MGAT2: variants seen among roughly 807,000 people sequenced by gnomAD.
MGAT2 encodes Beta-1,2-N-acetylglucosaminyltransferase II.
In MGAT2, 17 loss-of-function variants were observed where a neutral mutation model predicts 33.8. The ratio of observed to expected loss-of-function variants is 0.50; its 90% CI spans 0.34 to 0.76. The LOEUF is 0.76. MGAT2 is among the 30% of genes least tolerant of loss of function. MGAT2 has a pLI of 0.01. For synonymous variants in MGAT2, 248 were observed against 226.7 expected, an observed-to-expected ratio of 1.09 and a Z score of -0.84; for missense variants, 529 against 553.9, an observed-to-expected ratio of 0.96 and a Z score of 0.45.
At position 49,620,843 on chromosome 14, in the gene MGAT2, G is replaced by A; in HGVS notation, c.-426G>A. On this transcript the variant is annotated 5_prime_UTR_variant, in exon 1 of 1. Coordinates refer to ENST00000305386, the MANE Select transcript of MGAT2 (RefSeq NM_002408.4). Reference sequence around the variant, plus strand: ...ACGGTCCCCGCCGGAGTGAGGCGAGGCCGCGTCGCTCAGTTCTGGCCGTCT... The same window carrying A: ...ACGGTCCCCGCCGGAGTGAGGCGAGACCGCGTCGCTCAGTTCTGGCCGTCT... 1.6e-6 allele frequency: 1 copy of A among 635,926 alleles called. No homozygotes were observed. Among genetic ancestry groups the A allele is most frequent in the Non-Finnish European group, 2.8e-6 (1 of 354,678 alleles). 39.4% of individuals were successfully genotyped at this position (635,926 alleles called of 1,614,324 possible).
chr14:49,623,423 TTTAC>T lies in MGAT2; in HGVS notation c.*813_*816del, dbSNP rs1468118278. ...TTTGAGTTAGCATTACATTTTAATA[TTTAC>T]TATTGCTACATTGTATAATTGAGTT... On this transcript the variant is annotated 3_prime_UTR_variant, in exon 1 of 1. Coordinates refer to ENST00000305386, the MANE Select transcript of MGAT2 (RefSeq NM_002408.4). 4 of 167,116 alleles carry T rather than the reference TTTAC, an allele frequency of 2.4e-5. No homozygotes were observed. The highest frequency in any genetic ancestry group is 9.6e-5 in the African/African-American group (4 of 41,464). 10.4% of individuals were successfully genotyped at this position (167,116 alleles called of 1,614,324 possible).
At position 49,621,119 on chromosome 14, in the gene MGAT2, G is replaced by C; in HGVS notation, c.-150G>C. On this transcript the variant is annotated 5_prime_UTR_variant, in exon 1 of 1. Coordinates refer to ENST00000305386, the MANE Select transcript of MGAT2 (RefSeq NM_002408.4). The surrounding 1 kb of genome is among the most constrained non-coding windows in gnomAD (Gnocchi z 4.6). The stretch of plus-strand genomic sequence containing the variant: ...AGAGGTCTCGGGCCCCAGGACCCCC[G>C]GGGCCCGGGATGAGTTAGCGAGGGC... 8.4e-7 allele frequency: 1 copy of C among 1,197,370 alleles called. No individual in the cohort carries two copies. The highest frequency in any genetic ancestry group is 1.5e-5 in the African/African-American group (1 of 66,014). The allele number at this position is 1,197,370 out of a possible 1,614,324, so 74.2% of individuals were successfully genotyped here.
chr14:49,622,229 C>T lies in MGAT2; in HGVS notation c.961C>T (p.Leu321=). ...GAAATCCACAGAGCACAATATGGGTCTAGCCTTGACCCGGAATGCCTATCA... is the reference window on the plus strand; with the variant it reads ...GAAATCCACAGAGCACAATATGGGTTTAGCCTTGACCCGGAATGCCTATCA... The part of the protein sequence containing the change: ...TWKSTEHNMG[L]ALTRNAYQKL... The change falls in exon 1 of 1, where the codon CTA becomes TTA. Residue 321 remains leucine (L), a synonymous_variant. Transcript: ENST00000305386. 3.7e-6 allele frequency: 6 copies of T among 1,614,190 alleles called. No individual in the cohort carries two copies. Among genetic ancestry groups the T allele is most frequent in the Non-Finnish European group, 5.1e-6 (6 of 1,180,044 alleles).
chr14:49,621,274 G>A lies in MGAT2; in HGVS notation c.6G>A (p.Arg2=), dbSNP rs1882838433. The change falls in exon 1 of 1, where the codon AGG becomes AGA. Residue 2 remains arginine (R), a synonymous_variant. Coordinates refer to ENST00000305386, the MANE Select transcript of MGAT2 (RefSeq NM_002408.4). The surrounding 1 kb of genome is among the most constrained non-coding windows in gnomAD (Gnocchi z 4.6). M[R]FRIYKRKVLI... Reference sequence around the variant, plus strand: ...CGCTCCCGGCCCTGGAGACCATGAGGTTCCGCATCTACAAACGGAAGGTGC... The same window carrying A: ...CGCTCCCGGCCCTGGAGACCATGAGATTCCGCATCTACAAACGGAAGGTGC... The A allele has an allele frequency of 6.2e-7, 1 of 1,612,312 alleles. No individual in the cohort carries two copies. The highest frequency in any genetic ancestry group is 1.7e-5 in the Admixed American group (1 of 60,012).
rs1566504578 is a variant in MGAT2 at position 49,621,692 on chromosome 14, CA to C, written c.425del (p.Gln142ArgfsTer22). The part of the protein sequence containing the change: ...RLLLDSLRKA[Q>X]GIDNVLVIFS... ...GCTGCTGGACTCACTTCGAAAAGCC[CA>C]GGGAATTGACAACGTCCTCGTCATC... On this transcript the variant is annotated frameshift_variant, in exon 1 of 1. Coordinates refer to ENST00000305386, the MANE Select transcript of MGAT2 (RefSeq NM_002408.4). LOFTEE classifies it high-confidence loss of function. This position sits in a 1 kb window ranked among gnomAD's most constrained non-coding sequence, Gnocchi z 4.6. 6.2e-7 allele frequency: 1 copy of C among 1,614,190 alleles called. No individual in the cohort carries two copies. The highest frequency in any genetic ancestry group is 1.7e-5 in the Admixed American group (1 of 60,024).
rs775847223 is a variant in MGAT2, at chr14:49,621,441, C to T, written c.173C>T (p.Pro58Leu). Residue 58 changes from proline to leucine, a missense_variant, in exon 1 of 1, where the codon CCC (proline) becomes CTC (leucine). Transcript: ENST00000305386. This position sits in a 1 kb window ranked among gnomAD's most constrained non-coding sequence, Gnocchi z 4.6. Reference protein sequence around the residue: ...RGAGGRGGDHPSVAVGIRRVS... With the variant: ...RGAGGRGGDHLSVAVGIRRVS... ...GCCGGCGGCCGCGGTGGGGACCACC[C>T]CTCTGTGGCTGTGGGCATCCGCAGG... 17 of 1,606,782 alleles carry T rather than the reference C, an allele frequency of 1.1e-5. No individual in the cohort carries two copies. Among genetic ancestry groups the T allele is most frequent in the Non-Finnish European group, 1.4e-5 (16 of 1,175,432 alleles).
rs1368311313 is a variant in MGAT2, at chr14:49,622,351, C to G, written c.1083C>G (p.Phe361Leu). 3 of 1,614,168 alleles carry G rather than the reference C, an allele frequency of 1.9e-6. No homozygotes were observed. Among genetic ancestry groups the G allele is most frequent in the Non-Finnish European group, 2.5e-6 (3 of 1,180,042 alleles). The change falls in exon 1 of 1, where the codon TTC becomes TTG. Residue 361 changes from phenylalanine to leucine, a missense_variant. Transcript: ENST00000305386. ...TGACTGTATCTTGTCTTCCAAAATT[C>G]TGGAAAGTGCTGGTTCCTCAAATTC... ...QYLTVSCLPK[F>L]WKVLVPQIPR...
rs1194783446 is a variant in MGAT2, at chr14:49,621,744, A to G, written c.476A>G (p.Glu159Gly). Residue 159 changes from glutamate (E) to glycine (G), a missense_variant, in exon 1 of 1, where the codon GAG becomes GGG. This residue lies in a region of MGAT2 where 501 missense variants were observed against 501.1 expected (regional missense o/e 1.00). Transcript: ENST00000305386. This position sits in a 1 kb window ranked among gnomAD's most constrained non-coding sequence, Gnocchi z 4.6. ...VIFSHDFWST[E>G]INQLIAGVNF... ...TTTAGCCATGACTTCTGGTCGACCG[A>G]GATCAATCAGCTGATCGCCGGGGTG... 6.2e-7 allele frequency: 1 copy of G among 1,614,200 alleles called. No individual in the cohort carries two copies. The highest frequency in any genetic ancestry group is 1.7e-5 in the Admixed American group (1 of 60,022).
rs1198604618 is a variant in MGAT2 at position 49,621,818 on chromosome 14, T to C, written c.550T>C (p.Tyr184His). 6.2e-7 allele frequency: 1 copy of C among 1,614,206 alleles called. No homozygotes were observed. Among genetic ancestry groups the C allele is most frequent in the Non-Finnish European group, 8.5e-7 (1 of 1,180,038 alleles). The change falls in exon 1 of 1, where the codon TAC (tyrosine) becomes CAC (histidine). Residue 184 changes from tyrosine (Y) to histidine (H), a missense_variant. This residue lies in a region of MGAT2 where 501 missense variants were observed against 501.1 expected (regional missense o/e 1.00). Transcript: ENST00000305386. The surrounding 1 kb of genome is among the most constrained non-coding windows in gnomAD (Gnocchi z 4.6). Reference sequence around the variant, plus strand: ...GTTCTTTCCTTTCAGCATTCAGTTGTACCCTAACGAGTTTCCAGGTAGTGA... The same window carrying C: ...GTTCTTTCCTTTCAGCATTCAGTTGCACCCTAACGAGTTTCCAGGTAGTGA... ...QVFFPFSIQL[Y>H]PNEFPGSDPR...
Position 49,621,211 on chromosome 14 carries a change from T to C in MGAT2, c.-58T>C. ...GGCCGCCGCCCGCCCGCCCCTTCCG[T>C]GCAGAAGCAGCTGCTCCTTTCCGCG... On this transcript the variant is annotated 5_prime_UTR_variant, in exon 1 of 1. Coordinates refer to ENST00000305386, the MANE Select transcript of MGAT2 (RefSeq NM_002408.4). The surrounding 1 kb of genome is among the most constrained non-coding windows in gnomAD (Gnocchi z 4.6). 6.2e-7 allele frequency: 1 copy of C among 1,606,460 alleles called. No individual in the cohort carries two copies. Among genetic ancestry groups the C allele is most frequent in the South Asian group, 1.1e-5 (1 of 90,670 alleles).
Position 49,621,096 on chromosome 14 carries a change from AGG to A in MGAT2, c.-172_-171del, listed in dbSNP as rs1882831036. On this transcript the variant is annotated 5_prime_UTR_variant, in exon 1 of 1. The change abolishes the stop of an existing upstream ORF in the 5' untranslated region. Transcript: ENST00000305386. The surrounding 1 kb of genome is among the most constrained non-coding windows in gnomAD (Gnocchi z 4.6). ...GCGCAGGCGGCGCGGGGTAAATGAG[AGG>A]TCTCGGGCCCCAGGACCCCCGGGGC... 1.1e-6 allele frequency: 1 copy of A among 906,376 alleles called. No individual in the cohort carries two copies. The highest frequency in any genetic ancestry group is 1.7e-6 in the Non-Finnish European group (1 of 574,800). The allele number at this position is 906,376 out of a possible 1,614,324, so 56.1% of individuals were successfully genotyped here. A position where few individuals can be genotyped will look rare whatever the true frequency, so the allele number is the denominator to read the frequency against.
In MGAT2 at chr14:49,621,225, C is replaced by T. The variant is rs1882836224; in HGVS notation, c.-44C>T. ...CGCCCCTTCCGTGCAGAAGCAGCTGCTCCTTTCCGCGCCCGCCCGCCTGCG... is the reference window on the plus strand; with the variant it reads ...CGCCCCTTCCGTGCAGAAGCAGCTGTTCCTTTCCGCGCCCGCCCGCCTGCG... On this transcript the variant is annotated 5_prime_UTR_variant, in exon 1 of 1. Transcript: ENST00000305386. The surrounding 1 kb of genome is among the most constrained non-coding windows in gnomAD (Gnocchi z 4.6). 4 of 1,610,406 alleles carry T rather than the reference C, an allele frequency of 2.5e-6. No individual in the cohort carries two copies. Among genetic ancestry groups the T allele is most frequent in the Non-Finnish European group, 2.5e-6 (3 of 1,179,544 alleles).
chr14:49,621,379 C>T lies in MGAT2; in HGVS notation c.111C>T (p.Leu37=). The change falls in exon 1 of 1, where the codon CTC becomes CTT. Residue 37 remains leucine (L), a synonymous_variant. Transcript: ENST00000305386. The surrounding 1 kb of genome is among the most constrained non-coding windows in gnomAD (Gnocchi z 4.6). ...SNGRQRKNEA[L]APPLLDAEPA... ...GGCGACAAAGGAAGAACGAGGCCCT[C>T]GCCCCACCGTTGCTGGACGCCGAAC... The T allele has an allele frequency of 6.2e-7, 1 of 1,611,246 alleles. No homozygotes were observed. Among genetic ancestry groups the T allele is most frequent in the East Asian group, 2.2e-5 (1 of 44,830 alleles).
rs1882881718 is a variant in MGAT2 at position 49,622,415 on chromosome 14, A to G, written c.1147A>G (p.Lys383Glu). The G allele has an allele frequency of 6.2e-7, 1 of 1,614,162 alleles. No homozygotes were observed. The highest frequency in any genetic ancestry group is 8.5e-7 in the Non-Finnish European group (1 of 1,180,020). ...FHAGDCGMHH[K>E]KTCRPSTQSA... ...TGCTGGAGACTGTGGTATGCATCAC[A>G]AGAAAACCTGTAGACCATCCACTCA... The change falls in exon 1 of 1, where the codon AAG (lysine) becomes GAG (glutamate). Residue 383 changes from lysine to glutamate, a missense_variant. Physicochemically the swap from Lys to Glu is moderately conservative, Grantham distance 56. Around this residue, in one of 2 missense-constraint regions of MGAT2, gnomAD observed 501 missense variants for 501.1 expected, o/e 1.00. Coordinates refer to ENST00000305386, the MANE Select transcript of MGAT2 (RefSeq NM_002408.4).
Position 49,622,743 on chromosome 14 carries a change from A to G in MGAT2, c.*131A>G, listed in dbSNP as rs1362822986. On this transcript the variant is annotated 3_prime_UTR_variant, in exon 1 of 1. Coordinates refer to ENST00000305386, the MANE Select transcript of MGAT2 (RefSeq NM_002408.4). ...AACAAAATCTTGTAAAAGGTGTCCA[A>G]ATACATAGTAATCTTTTCCAGTTAT... is the stretch of plus-strand genomic sequence containing the variant. 2.4e-6 allele frequency: 2 copies of G among 831,348 alleles called. No individual in the cohort carries two copies. Among genetic ancestry groups the G allele is most frequent in the Non-Finnish European group, 3.6e-6 (2 of 560,728 alleles). 51.5% of individuals were successfully genotyped at this position (831,348 alleles called of 1,614,324 possible). A position where few individuals can be genotyped will look rare whatever the true frequency, so the allele number is the denominator to read the frequency against.
Position 49,622,680 on chromosome 14 carries a change from T to C in MGAT2, c.*68T>C, listed in dbSNP as rs1594600176. On this transcript the variant is annotated 3_prime_UTR_variant, in exon 1 of 1. Transcript: ENST00000305386. ...TGTCCAAACAGGACATACAATTGAA[T>C]AAAAGAGTTTAGGAACTGGTTTCTG... The C allele has an allele frequency of 6.7e-7, 1 of 1,499,782 alleles. No individual in the cohort carries two copies. Among genetic ancestry groups the C allele is most frequent in the East Asian group, 2.3e-5 (1 of 43,580 alleles). The allele number at this position is 1,499,782 out of a possible 1,614,324, so 92.9% of individuals were successfully genotyped here.
At position 49,621,833 on chromosome 14, in the gene MGAT2, C is replaced by A; in HGVS notation, c.565C>A (p.Pro189Thr). 1 of 1,614,154 alleles carries A rather than the reference C, an allele frequency of 6.2e-7. No homozygotes were observed. Among genetic ancestry groups the A allele is most frequent in the Non-Finnish European group, 8.5e-7 (1 of 1,180,026 alleles). ...FSIQLYPNEF[P>T]GSDPRDCPRD... ...CATTCAGTTGTACCCTAACGAGTTT[C>A]CAGGTAGTGACCCTAGAGATTGTCC... is the stretch of plus-strand genomic sequence containing the variant. Residue 189 changes from proline (P) to threonine (T), a missense_variant, in exon 1 of 1, where the codon CCA (proline) becomes ACA (threonine). Pro to Thr is a conservative substitution (Grantham distance 38, BLOSUM62 -1). Coordinates refer to ENST00000305386, the MANE Select transcript of MGAT2 (RefSeq NM_002408.4). This position sits in a 1 kb window ranked among gnomAD's most constrained non-coding sequence, Gnocchi z 4.6.
chr14:49,621,034 A>T lies in MGAT2; in HGVS notation c.-235A>T. On this transcript the variant is annotated 5_prime_UTR_variant, in exon 1 of 1. The change abolishes an upstream ATG in the 5' untranslated region. Coordinates refer to ENST00000305386, the MANE Select transcript of MGAT2 (RefSeq NM_002408.4). The surrounding 1 kb of genome is among the most constrained non-coding windows in gnomAD (Gnocchi z 4.6). Reference sequence around the variant, plus strand: ...GCCGCGGCTCCTAGCGGCGGCGCCGATGCTCGAGCTGTAGCTGCCAGGCGA... The same window carrying T: ...GCCGCGGCTCCTAGCGGCGGCGCCGTTGCTCGAGCTGTAGCTGCCAGGCGA... 1.4e-6 allele frequency: 1 copy of T among 715,304 alleles called. No homozygotes were observed. Among genetic ancestry groups the T allele is most frequent in the Non-Finnish European group, 2.5e-6 (1 of 397,170 alleles). The allele number at this position is 715,304 out of a possible 1,614,324, so 44.3% of individuals were successfully genotyped here.
chr14:49,621,300 T>G lies in MGAT2; in HGVS notation c.32T>G (p.Leu11Arg), dbSNP rs764636535. MRFRIYKRKV[L>R]ILTLVVAACG... ...TTCCGCATCTACAAACGGAAGGTGC[T>G]AATCCTGACGCTCGTGGTGGCCGCC... Residue 11 changes from leucine (L) to arginine (R), a missense_variant, in exon 1 of 1, where the codon CTA (leucine) becomes CGA (arginine). Leu to Arg is a moderately radical substitution (Grantham distance 102, BLOSUM62 -2). This residue lies in a region of MGAT2 where 501 missense variants were observed against 501.1 expected (regional missense o/e 1.00). Transcript: ENST00000305386. The surrounding 1 kb of genome is among the most constrained non-coding windows in gnomAD (Gnocchi z 4.6). The G allele has an allele frequency of 1.2e-6, 2 of 1,612,586 alleles. No homozygotes were observed. Among genetic ancestry groups the G allele is most frequent in the Non-Finnish European group, 1.7e-6 (2 of 1,179,796 alleles).
Sources: gnomAD v4.1 joint callset for allele counts on GRCh38, gnomAD v4.1.1 for gene constraint, gnomAD v4.1.1 regional missense constraint, Gnocchi (gnomAD v3.1) non-coding constraint, MANE v1.5 for transcripts, NCBI Gene and HGNC (gene_info 2026-07-23, HGNC 2026-07-21) for gene names.